Variants in LRRC7 observed in about 807,000 individuals in gnomAD.
LRRC7 encodes the protein leucine-rich repeat-containing protein 7.
LRRC7 carries 23 observed loss-of-function variants against 175.7 expected under a neutral mutation model. The observed-to-expected ratio is 0.13, with a 90% confidence interval of 0.09 to 0.19. LRRC7 has a LOEUF of 0.19. Among genes scored for constraint, LRRC7 ranks in the 10% least tolerant of loss-of-function variants. The pLI is 1.00. For synonymous variants in LRRC7, 685 were observed against 680.9 expected (o/e 1.01, Z -0.09); for missense variants, 1,354 against 1,904.7 (o/e 0.71, Z 5.38).
At chr1:69,925,881 A>C (rs1008320365) in intron 7 of LRRC7, among the ~76,000 whole-genome samples, 18 of 139,428 alleles carry the variant, frequency 1.3e-4, no homozygotes, top group African/African-American at 4.5e-4. Context: ...TAGTTCTTTT[A>C]ATTGTGATGT....
chr1:70,037,386 T>C (rs1377334491), intron 20 of LRRC7, among the ~76,000 whole-genome samples: 4 of 152,238 alleles, frequency 2.6e-5, no homozygotes, highest in Admixed American at 2.6e-4. Flanking sequence ...ACTCTTTCAG[T>C]TTGTAAATTC....
chr1:69,636,528 T>G lies in LRRC7; in HGVS notation c.3-41853T>G, dbSNP rs369119334. Reference sequence around the variant, plus strand: ...ACACCTTCTGTAATCTTGTAATCATTTTTTTTCTTATTATGGCTGTTCAGA... The same window carrying G: ...ACACCTTCTGTAATCTTGTAATCATGTTTTTTCTTATTATGGCTGTTCAGA... On this transcript the variant is annotated intron_variant, in intron 1 of 26. Coordinates refer to ENST00000651989, the MANE Select transcript of LRRC7 (RefSeq NM_001370785.2). Among the ~76,000 whole-genome samples, 3 of 151,748 alleles carry G rather than the reference T, an allele frequency of 2.0e-5. No individual in the cohort carries two copies. The East Asian group carries it at 5.8e-4, about 29-fold the overall frequency.
At chr1:70,107,911 A>G in intron 26 of LRRC7, 85 bp downstream of exon 26, 1 of 1,199,936 alleles carries the variant, frequency 8.3e-7, no homozygotes, top group Non-Finnish European at 1.2e-6. Context: ...TTTGAATTAA[A>G]TGATTGAAAA....
Position 69,794,587 on chromosome 1 carries a change from TG to T in LRRC7, c.421+2428del, listed in dbSNP as rs947112092. ...ACATTCACACTTCAAATTGTATTTT[TG>T]TTATAATTTCTGAGAAATAGTATAT... On this transcript the variant is annotated intron_variant, in intron 4 of 26. Coordinates refer to ENST00000651989, the MANE Select transcript of LRRC7 (RefSeq NM_001370785.2). Among the ~76,000 whole-genome samples the T allele has an allele frequency of 5.3e-5, 8 of 152,238 alleles. No individual in the cohort carries two copies. In the South Asian group the frequency reaches 1.4e-3, roughly 28 times the overall value.
intron 7 of LRRC7, chr1:69,879,691 A>T (rs918180228): frequency 6.6e-6 from 1 of 152,252 alleles, no homozygotes; most frequent in Non-Finnish European, 1.5e-5. Context: ...TATTATGCTG[A>T]TCGGGTGGCA....
chr1:70,085,128 C>T (rs1384018384), intron 24 of LRRC7, among the ~76,000 whole-genome samples: 1 of 152,028 alleles, frequency 6.6e-6, no homozygotes, highest in Non-Finnish European at 1.5e-5. Context: ...CTTTGAAGCA[C>T]AAAAGTTTTT....
chr1:69,602,776 C>T (rs1647131107), intron 1 of LRRC7, among the ~76,000 whole-genome samples: 1 of 152,092 alleles, frequency 6.6e-6, no homozygotes, highest in African/African-American at 2.4e-5. Flanking sequence ...TAATGATGTT[C>T]AGGTTAGCAA....
intron 2 of LRRC7, among the ~76,000 whole-genome samples, chr1:69,708,720 A>G (rs1356997542): frequency 6.6e-6 from 1 of 152,154 alleles, no homozygotes; most frequent in East Asian, 1.9e-4. Context: ...AGCTGATCTA[A>G]GGAGTCTCTG....
chr1:70,016,943 T>C (rs922685883), intron 14 of LRRC7, among the ~76,000 whole-genome samples: 1 of 152,172 alleles, frequency 6.6e-6, no homozygotes, highest in Admixed American at 6.5e-5. Context: ...TTCTTATCCT[T>C]TTAATTATAA....
chr1:70,107,866 A>G (rs772135465), intron 26 of LRRC7, 40 bp downstream of exon 26: 1 of 1,454,172 alleles, frequency 6.9e-7, no homozygotes, highest in Non-Finnish European at 9.6e-7. Context: ...TGCCATACTG[A>G]GACAAATATG....
intron 22 of LRRC7, among the ~76,000 whole-genome samples, chr1:70,045,440 T>G (rs1361883543): frequency 1.3e-5 from 2 of 152,120 alleles, no homozygotes; most frequent in Non-Finnish European, 1.5e-5. Context: ...CAACACACCA[T>G]CAGCATGACT....
chr1:69,960,211 G>A (rs1650909631), intron 8 of LRRC7, among the ~76,000 whole-genome samples: 1 of 151,968 alleles, frequency 6.6e-6, no homozygotes, highest in Non-Finnish European at 1.5e-5. Context: ...TTCAGTCTTG[G>A]GGGATGGTGT....
At chr1:69,610,179 G>A (rs915062781) in intron 1 of LRRC7, among the ~76,000 whole-genome samples, 1 of 151,960 alleles carries the variant, frequency 6.6e-6, no homozygotes, top group Non-Finnish European at 1.5e-5. Context: ...GAAGAAACAG[G>A]ATCTTTTTTT....
At chr1:70,101,730 G>T (rs1291509945) in intron 25 of LRRC7, among the ~76,000 whole-genome samples, 1 of 152,110 alleles carries the variant, frequency 6.6e-6, no homozygotes, top group Non-Finnish European at 1.5e-5. Context: ...AATCACTTAT[G>T]ACTTGTATAA....
chr1:69,979,270 C>T lies in LRRC7; in HGVS notation c.712-1109C>T, dbSNP rs1027038322. ...AACAAACAAACAAAAAAGGAATGGG[C>T]TTCAAAGGAAGCACAAGGCCTAAGA... On this transcript the variant is annotated intron_variant, in intron 8 of 26. Coordinates refer to ENST00000651989, the MANE Select transcript of LRRC7 (RefSeq NM_001370785.2). 3.9e-5 allele frequency among the ~76,000 whole-genome samples: 6 copies of T among 152,134 alleles called. No individual in the cohort carries two copies. In the East Asian group the frequency reaches 1.2e-3, roughly 29 times the overall value.
At chr1:69,652,426 C>G (rs1010007858) in intron 1 of LRRC7, among the ~76,000 whole-genome samples, 7 of 151,998 alleles carry the variant, frequency 4.6e-5, no homozygotes, top group African/African-American at 7.2e-5. Flanking sequence ...AAGCAAAAGA[C>G]CTGTAAACTG....
intron 1 of LRRC7, among the ~76,000 whole-genome samples, chr1:69,669,492 G>A (rs771302772): frequency 4.6e-5 from 7 of 152,106 alleles, no homozygotes; most frequent in African/African-American, 7.2e-5. Flanking sequence ...GATGCTTTTA[G>A]GACCTTTTCT....
chr1:69,780,069 T>C (rs1282775393), intron 3 of LRRC7, among the ~76,000 whole-genome samples: 1 of 152,230 alleles, frequency 6.6e-6, no homozygotes, highest in East Asian at 1.9e-4. Flanking sequence ...TTATTTTTCA[T>C]CTGGATGTTT....
intron 7 of LRRC7, among the ~76,000 whole-genome samples, chr1:69,891,133 C>A (rs1043797699): frequency 2.0e-5 from 3 of 152,208 alleles, no homozygotes; most frequent in Non-Finnish European, 4.4e-5. Context: ...AGAGGTATAG[C>A]TTTTGGTTGA....
Sources: allele counts gnomAD v4.1 joint callset (sites outside exome capture counted in the v4.1 genomes callset), GRCh38; gene constraint gnomAD v4.1.1; transcripts MANE v1.5; gene names NCBI Gene and HGNC (gene_info 2026-07-23, HGNC 2026-07-21).